Variants in WNK1 observed in about 807,000 individuals in gnomAD.
The protein encoded by WNK1 is serine/threonine-protein kinase WNK1.
WNK1 carries 38 observed loss-of-function variants against 222.8 expected under a neutral mutation model. The observed-to-expected ratio is 0.17, with a 90% CI of 0.13 to 0.22. WNK1 has a LOEUF of 0.22. Among genes scored for constraint, WNK1 ranks in the 10% least tolerant of loss-of-function variants. The pLI is 1.00. For synonymous variants in WNK1, 1,090 were observed against 1,092.9 expected (o/e 1.00, Z 0.05); for missense variants, 2,348 against 2,918.4 (o/e 0.80, Z 4.50).
At position 885,643 on chromosome 12, in the gene WNK1, A is replaced by G; in HGVS notation, c.4839A>G (p.Val1613=). The change falls in exon 19 of 28, where the codon GTA becomes GTG. Residue 1613 remains valine (V), a synonymous_variant. Transcript: ENST00000315939. ...AGCCTGTTGCCAATGTGCCTGCTGT[A>G]CAGCAGACACTAATTCATAGTCAGC... ...LVQPVANVPA[V]QQTLIHSQPQ... 6.2e-7 allele frequency: 1 copy of G among 1,614,174 alleles called. No individual in the cohort carries two copies. The highest frequency in any genetic ancestry group is 8.5e-7 in the Non-Finnish European group (1 of 1,180,034).
chr12:760,925 A>G (rs1591576691), intron 1 of WNK1, among the ~76,000 whole-genome samples: 1 of 140,480 alleles, frequency 7.1e-6, no homozygotes, highest in Non-Finnish European at 1.6e-5. Flanking sequence ...AGGCACCCAC[A>G]ACCACACCCG....
chr12:753,555 G>A lies in WNK1; in HGVS notation c.-11G>A, dbSNP rs1423612846. ...ATCCGAGCCCGCTCGCCTCTCTCCAGCGAACCGACCATGTCTGGCGGCGCC... is the reference window on the plus strand; with the variant it reads ...ATCCGAGCCCGCTCGCCTCTCTCCAACGAACCGACCATGTCTGGCGGCGCC... On this transcript the variant is annotated 5_prime_UTR_variant, in exon 1 of 28. Transcript: ENST00000315939. The surrounding 1 kb of genome is among the most constrained non-coding windows in gnomAD (Gnocchi z 5.2). The A allele has an allele frequency of 1.2e-6, 2 of 1,612,214 alleles. No homozygotes were observed. Among genetic ancestry groups the A allele is most frequent in the South Asian group, 2.2e-5 (2 of 91,068 alleles).
At chr12:874,873 A>G (rs778183288) in intron 9 of WNK1, among the ~76,000 whole-genome samples, 2 of 152,108 alleles carry the variant, frequency 1.3e-5, no homozygotes, top group Admixed American at 6.6e-5. Context: ...CCATTTGACT[A>G]CTACCCAATT....
At chr12:754,444 A>T (rs1046083646) in intron 1 of WNK1, 120 bp downstream of exon 1, 6 of 1,295,326 alleles carry the variant, frequency 4.6e-6, no homozygotes, top group Admixed American at 1.7e-5. Context: ...TGGGACGGGG[A>T]GGCCAACTTT....
At chr12:854,355 C>CTTTTTTTTTTTT (rs765372764) in intron 4 of WNK1, among the ~76,000 whole-genome samples, 7 of 97,738 alleles carry the variant, frequency 7.2e-5, no homozygotes, top group Non-Finnish European at 1.2e-4. Flanking sequence ...TTATCATTAT[C>CTTTTTTTTTTTT]TTTTTTTTTT....
chr12:878,297 C>T lies in WNK1; in HGVS notation c.2309C>T (p.Thr770Ile). 1 of 1,614,028 alleles carries T rather than the reference C, an allele frequency of 6.2e-7. No individual in the cohort carries two copies. Residue 770 changes from threonine to isoleucine, a missense_variant, in exon 10 of 28, where the codon ACT (threonine) becomes ATT (isoleucine). Around this residue, in one of 13 missense-constraint regions of WNK1, gnomAD observed 547 missense variants for 558.3 expected, o/e 0.98. Transcript: ENST00000315939. ...ACATCAACCTCCAGTGAGGCCACTA[C>T]TGCACAGCCAGTGAGTCAGCCTCAA... ...SQTSTSSEAT[T>I]AQPVSQPQAP...
chr12:800,904 G>C (rs1167174594), intron 1 of WNK1, among the ~76,000 whole-genome samples: 2 of 152,182 alleles, frequency 1.3e-5, no homozygotes, highest in Non-Finnish European at 1.5e-5. Flanking sequence ...CAGAAGGTGA[G>C]AGGCATTGAT....
chr12:856,078 T>C (rs1321009779), intron 4 of WNK1, among the ~76,000 whole-genome samples: 3 of 151,832 alleles, frequency 2.0e-5, no homozygotes, highest in African/African-American at 4.8e-5. Context: ...GACCTCGTGA[T>C]CTGCCCACCT....
intron 4 of WNK1, among the ~76,000 whole-genome samples, chr12:856,516 G>A (rs1950809821): frequency 6.6e-6 from 1 of 151,942 alleles, no homozygotes; most frequent in Admixed American, 6.6e-5. Flanking sequence ...AACTATTACT[G>A]TGATGACTAC....
At chr12:813,126 C>A (rs1305193280) in intron 1 of WNK1, among the ~76,000 whole-genome samples, 1 of 152,126 alleles carries the variant, frequency 6.6e-6, no homozygotes, top group Non-Finnish European at 1.5e-5. Flanking sequence ...CCTAGCTACT[C>A]TGGAGGCTGA....
chr12:840,624 G>A (rs1949555645), intron 4 of WNK1, among the ~76,000 whole-genome samples: 1 of 152,100 alleles, frequency 6.6e-6, no homozygotes, highest in African/African-American at 2.4e-5. Context: ...GCAACAGACT[G>A]TATGATACAT....
Position 871,349 on chromosome 12 carries a change from G to A in WNK1, c.2223+1G>A. 1.9e-6 allele frequency: 3 copies of A among 1,613,964 alleles called. No individual in the cohort carries two copies. The highest frequency in any genetic ancestry group is 2.5e-6 in the Non-Finnish European group (3 of 1,179,876). On this transcript the variant is annotated splice_donor_variant, in intron 9 of 27. Coordinates refer to ENST00000315939, the MANE Select transcript of WNK1 (RefSeq NM_018979.4). LOFTEE classifies it high-confidence loss of function. ...CCAACCCATACAACATCCTCAGCAGGTGAGAACAATGCATTGCAACATTTT... is the reference window on the plus strand; with the variant it reads ...CCAACCCATACAACATCCTCAGCAGATGAGAACAATGCATTGCAACATTTT...
At chr12:784,342 GTAC>G (rs1382981226) in intron 1 of WNK1, among the ~76,000 whole-genome samples, 1 of 151,998 alleles carries the variant, frequency 6.6e-6, no homozygotes, top group African/African-American at 2.4e-5. Context: ...TGAATGCCAA[GTAC>G]CTCTTGTTAA....
At chr12:818,613 G>A (rs1007944890) in intron 2 of WNK1, among the ~76,000 whole-genome samples, 1 of 152,122 alleles carries the variant, frequency 6.6e-6, no homozygotes, top group South Asian at 2.1e-4. Flanking sequence ...CTCTATGCCC[G>A]TGGAACAATT....
At position 827,517 on chromosome 12, in the gene WNK1, T is replaced by C. The variant is rs896104010; in HGVS notation, c.1153+255T>C. The C allele has an allele frequency of 1.2e-5, 6 of 491,758 alleles. No homozygotes were observed. The East Asian group carries it at 1.9e-4, about 16-fold the overall frequency. 30.5% of individuals were successfully genotyped at this position (491,758 alleles called of 1,614,324 possible). A position where few individuals can be genotyped will look rare whatever the true frequency, so the allele number is the denominator to read the frequency against. Reference sequence around the variant, plus strand: ...GTTGATAAAACCTAATGTAATAGCCTTTTTTGTTGTTGTTGTTGTTGTTGT... The same window carrying C: ...GTTGATAAAACCTAATGTAATAGCCCTTTTTGTTGTTGTTGTTGTTGTTGT... On this transcript the variant is annotated intron_variant, in intron 3 of 27. Transcript: ENST00000315939. The surrounding 1 kb of genome is among the most constrained non-coding windows in gnomAD (Gnocchi z 4.6).
rs72649864 is a variant in WNK1 at position 870,744 on chromosome 12, TG to T, written c.2140-516del. On this transcript the variant is annotated intron_variant, in intron 8 of 27. Transcript: ENST00000315939. ...CTCCACATATTGCCAAGTGCCCCCC[TG>T]GGGGTGGCAGGATTGCTCCTGGATA... is the stretch of plus-strand genomic sequence containing the variant. Among the ~76,000 whole-genome samples, 1,014 of 152,306 alleles carry T rather than the reference TG, an allele frequency of 6.7e-3. 5 individuals carry two copies. The highest frequency in any genetic ancestry group is 0.014 in the Middle Eastern group (4 of 294).
At chr12:881,634 G>A (rs1565573751) in intron 12 of WNK1, 58 bp from the exon 13 acceptor site, 10 of 1,354,844 alleles carry the variant, frequency 7.4e-6, no homozygotes, top group African/African-American at 1.4e-5. Flanking sequence ...AGATTATTGG[G>A]GATAGTGAAT....
chr12:894,583 C>G lies in WNK1; in HGVS notation c.5531C>G (p.Pro1844Arg). Residue 1844 changes from proline (P) to arginine (R), a missense_variant, in exon 23 of 28, where the codon CCT becomes CGT. Pro to Arg is a moderately radical substitution (Grantham distance 103, BLOSUM62 -2). Transcript: ENST00000315939. ...QKGVSQVKEG[P>R]VLATSSGAGV... ...TCAGTTTCTCAAGTCAAAGAAGGCCCTGTCCTAGCAACTAGTTCAGGAGCT... is the reference window on the plus strand; with the variant it reads ...TCAGTTTCTCAAGTCAAAGAAGGCCGTGTCCTAGCAACTAGTTCAGGAGCT... 1.2e-6 allele frequency: 2 copies of G among 1,614,000 alleles called. No individual in the cohort carries two copies. Among genetic ancestry groups the G allele is most frequent in the Non-Finnish European group, 1.7e-6 (2 of 1,179,942 alleles).
chr12:908,000 G>A lies in WNK1; in HGVS notation c.6797G>A (p.Gly2266Asp). ...GCCCGAGATGCCATGAATCTCTCAG[G>A]CAGGAGAGGAAGCAAAGGGCACATG... ...NWARDAMNLS[G>D]RRGSKGHMNY... Residue 2266 changes from glycine to aspartate, a missense_variant, in exon 27 of 28, where the codon GGC (glycine) becomes GAC (aspartate). By Grantham distance (94) the Gly-to-Asp change is moderately conservative. Coordinates refer to ENST00000315939, the MANE Select transcript of WNK1 (RefSeq NM_018979.4). 1 of 1,614,168 alleles carries A rather than the reference G, an allele frequency of 6.2e-7. No individual in the cohort carries two copies.
Sources: gnomAD v4.1 joint callset for allele counts (sites outside exome capture counted in the v4.1 genomes callset) on GRCh38, gnomAD v4.1.1 for gene constraint, gnomAD v4.1.1 regional missense constraint, Gnocchi (gnomAD v3.1) non-coding constraint, MANE v1.5 for transcripts, NCBI Gene and HGNC (gene_info 2026-07-23, HGNC 2026-07-21) for gene names.